KLHL20: variants seen among roughly 807,000 people sequenced by gnomAD.
The protein encoded by KLHL20 is kelch-like protein 20.
KLHL20 carries 29 observed loss-of-function variants against 69.5 expected under a neutral mutation model. That is an observed-to-expected ratio of 0.42 (90% CI 0.31 to 0.57). The LOEUF is 0.57. Among genes scored for constraint, KLHL20 ranks in the 20% least tolerant of loss-of-function variants. The pLI is 0.18. For synonymous variants in KLHL20, 253 were observed against 265.2 expected (o/e 0.95, Z 0.45); for missense variants, 419 against 776.0 (o/e 0.54, Z 5.47).
intron 2 of KLHL20, among the ~76,000 whole-genome samples, chr1:173,722,848 T>A (rs1031048598): frequency 3.3e-5 from 5 of 151,818 alleles, no homozygotes; most frequent in African/African-American, 1.2e-4. Context: ...CGCCACCACA[T>A]CCAGCTAATT....
intron 3 of KLHL20, among the ~76,000 whole-genome samples, chr1:173,748,175 CCTT>C (rs1216814275): frequency 2.6e-5 from 4 of 152,008 alleles, no homozygotes; most frequent in Admixed American, 6.6e-5. Context: ...AATTTAAAAA[CCTT>C]CTCACAAAGA....
chr1:173,718,639 GA>G (rs1223009767), intron 2 of KLHL20, among the ~76,000 whole-genome samples: 1 of 152,048 alleles, frequency 6.6e-6, no homozygotes, highest in East Asian at 1.9e-4. Flanking sequence ...GAAGCAGGAG[GA>G]TTGCTTGAGC....
At chr1:173,759,721 C>T (rs749295758) in intron 7 of KLHL20, among the ~76,000 whole-genome samples, 1 of 152,176 alleles carries the variant, frequency 6.6e-6, no homozygotes, top group Non-Finnish European at 1.5e-5. Flanking sequence ...AGAATCTGAA[C>T]GATAGCCTTC....
intron 7 of KLHL20, among the ~76,000 whole-genome samples, chr1:173,760,756 C>T (rs1358845530): frequency 6.6e-6 from 1 of 152,166 alleles, no homozygotes; most frequent in Non-Finnish European, 1.5e-5. Context: ...CACATCAAAA[C>T]AGAACCTCTT....
At chr1:173,750,805 C>T (rs1378266924) in intron 3 of KLHL20, among the ~76,000 whole-genome samples, 1 of 152,170 alleles carries the variant, frequency 6.6e-6, no homozygotes, top group Non-Finnish European at 1.5e-5. Flanking sequence ...AAATAGTTCT[C>T]CTGCCTCAGC....
At chr1:173,775,090 T>C (rs7546048) in intron 9 of KLHL20, among the ~76,000 whole-genome samples, 52,373 of 152,110 alleles carry the variant, frequency 0.34, 9,875 homozygotes, top group African/African-American at 0.51. Flanking sequence ...GAATTATAAG[T>C]GTGAGCCACT....
intron 7 of KLHL20, among the ~76,000 whole-genome samples, chr1:173,762,647 A>G (rs1482950238): frequency 6.6e-6 from 1 of 152,240 alleles, no homozygotes; most frequent in African/African-American, 2.4e-5. Context: ...GGTCATGTCA[A>G]TAGATGCAGA....
chr1:173,744,677 T>C (rs1571885373), intron 3 of KLHL20, among the ~76,000 whole-genome samples: 1 of 152,298 alleles, frequency 6.6e-6, no homozygotes, highest in East Asian at 1.9e-4. Flanking sequence ...CAAATGGCCA[T>C]CTAGTCTAAA....
chr1:173,783,226 A>T (rs9286886), intron 11 of KLHL20, among the ~76,000 whole-genome samples: 13,847 of 152,212 alleles, frequency 0.091, 2,038 homozygotes, highest in African/African-American at 0.31. Flanking sequence ...TAGGGTTACC[A>T]TCTCAGTGGT....
chr1:173,723,065 G>T (rs1293285979), intron 2 of KLHL20, among the ~76,000 whole-genome samples: 2 of 152,162 alleles, frequency 1.3e-5, no homozygotes, highest in East Asian at 3.8e-4. Context: ...ATAAAAAATT[G>T]TTTATATCTC....
Position 173,757,001 on chromosome 1 carries a change from C to T in KLHL20, c.993C>T (p.Ala331=). 2 of 1,614,034 alleles carry T rather than the reference C, an allele frequency of 1.2e-6. No individual in the cohort carries two copies. Among genetic ancestry groups the T allele is most frequent in the Non-Finnish European group, 1.7e-6 (2 of 1,179,970 alleles). Residue 331 remains alanine, a synonymous_variant, in exon 7 of 12, where the codon GCC becomes GCT. Coordinates refer to ENST00000209884, the MANE Select transcript of KLHL20 (RefSeq NM_014458.4). ...FAVGGWCSGD[A]ISSVERYDPQ... ...TTGGTGGTTGGTGCAGTGGAGATGC[C>T]ATTTCCAGTGTTGAACGATATGATC...
intron 8 of KLHL20, among the ~76,000 whole-genome samples, chr1:173,768,076 G>C (rs951462559): frequency 1.3e-5 from 2 of 152,076 alleles, no homozygotes; most frequent in African/African-American, 4.8e-5. Context: ...TACCTGGAGT[G>C]TACTTAATGA....
chr1:173,753,122 A>G, intron 4 of KLHL20, 91 bp from the exon 5 acceptor site: 1 of 1,013,240 alleles, frequency 9.9e-7, no homozygotes, highest in Non-Finnish European at 1.5e-6. Flanking sequence ...GCAGTGACCT[A>G]CGATCATGCC....
intron 3 of KLHL20, among the ~76,000 whole-genome samples, chr1:173,743,627 C>T (rs1472032161): frequency 6.6e-6 from 1 of 151,574 alleles, no homozygotes; most frequent in Non-Finnish European, 1.5e-5. Flanking sequence ...ACTGTGGACT[C>T]ATGGCTTATT....
chr1:173,766,503 G>A (rs868293554), intron 8 of KLHL20, among the ~76,000 whole-genome samples: 28 of 150,622 alleles, frequency 1.9e-4, no homozygotes, highest in South Asian at 6.3e-4. Context: ...AAAATTAGCC[G>A]GGCGTGGTGG....
At chr1:173,734,350 C>A in intron 3 of KLHL20, 64 bp downstream of exon 3, 1 of 1,295,504 alleles carries the variant, frequency 7.7e-7, no homozygotes, top group Non-Finnish European at 1.1e-6. Context: ...TCACATTCTG[C>A]TAAATAACAC....
At chr1:173,752,595 C>T (rs941670774) in intron 4 of KLHL20, among the ~76,000 whole-genome samples, 6 of 152,192 alleles carry the variant, frequency 3.9e-5, no homozygotes, top group Admixed American at 3.9e-4. Flanking sequence ...CATGATGCAT[C>T]AGTCATCACT....
chr1:173,741,964 C>T (rs751874941), intron 3 of KLHL20: 3 of 741,266 alleles, frequency 4.0e-6, no homozygotes, highest in Admixed American at 2.3e-5. Flanking sequence ...GGGAAACCAT[C>T]TCGATAAACA....
At chr1:173,751,733 T>G (rs751873677) in intron 3 of KLHL20, 31 bp from the exon 4 acceptor site, 2 of 1,582,532 alleles carry the variant, frequency 1.3e-6, no homozygotes, top group Non-Finnish European at 1.7e-6. Context: ...GATCACAGGA[T>G]TTTTTTTTCT....
Sources: gnomAD v4.1 joint callset for allele counts (sites outside exome capture counted in the v4.1 genomes callset) on GRCh38, gnomAD v4.1.1 for gene constraint, MANE v1.5 for transcripts, NCBI Gene and HGNC (gene_info 2026-07-23, HGNC 2026-07-21) for gene names.